Variants in SERINC5 observed in about 807,000 individuals in gnomAD.
SERINC5 encodes chromosome 5 open reading frame 12.
SERINC5 carries 41 observed loss-of-function variants against 63.1 expected under a neutral mutation model. The ratio of observed to expected loss-of-function variants is 0.65; its 90% confidence interval spans 0.51 to 0.84. SERINC5 has a LOEUF of 0.84. Among genes scored for constraint, SERINC5 ranks in the 40% least tolerant of loss-of-function variants. The pLI, the probability that SERINC5 is intolerant of heterozygous loss-of-function variation, is 0.00. For missense variants in SERINC5, 523 were observed against 573.0 expected, an observed-to-expected ratio of 0.91 and a Z score of 0.89; for synonymous variants, 222 against 215.2, an observed-to-expected ratio of 1.03 and a Z score of -0.28.
At chr5:80,231,169 A>G (rs1751424978) in intron 1 of SERINC5, among the ~76,000 whole-genome samples, 1 of 152,250 alleles carries the variant, frequency 6.6e-6, no homozygotes, top group African/African-American at 2.4e-5. Flanking sequence ...GAAAAAGGGA[A>G]TAGTACTTTT....
At chr5:80,113,514 T>C (rs1278847182) in intron 12 of SERINC5, 7 of 186,830 alleles carry the variant, frequency 3.7e-5, no homozygotes, top group African/African-American at 4.7e-5. Context: ...TTTGTTTTCA[T>C]GCTGCTGATA....
chr5:80,253,464 A>C (rs1312711682), intron 1 of SERINC5, among the ~76,000 whole-genome samples: 1 of 152,024 alleles, frequency 6.6e-6, no homozygotes, highest in African/African-American at 2.4e-5. Flanking sequence ...CGACATCCCA[A>C]TTATCTTCTA....
downstream of SERINC5, among the ~76,000 whole-genome samples, chr5:80,135,802 T>C (rs1195214983): frequency 6.8e-6 from 1 of 147,852 alleles, no homozygotes; most frequent in Non-Finnish European, 1.5e-5. Context: ...TACATAAAAA[T>C]AGCAACTAGA....
downstream of SERINC5, among the ~76,000 whole-genome samples, chr5:80,137,164 CAAA>C (rs796274001): frequency 1.3e-5 from 1 of 79,080 alleles, no homozygotes; most frequent in Admixed American, 1.3e-4. Flanking sequence ...AAAAAAAAAA[CAAA>C]AAAAACACCT....
At chr5:80,117,285 CCTCT>C (rs1223570303) in intron 11 of SERINC5, among the ~76,000 whole-genome samples, 6 of 152,088 alleles carry the variant, frequency 3.9e-5, no homozygotes, top group African/African-American at 1.5e-4. Context: ...TGGGACCTCA[CCTCT>C]CTGAGCCTCA....
At chr5:80,220,744 C>T (rs1750863008) in intron 1 of SERINC5, among the ~76,000 whole-genome samples, 1 of 151,834 alleles carries the variant, frequency 6.6e-6, no homozygotes, top group Non-Finnish European at 1.5e-5. Context: ...AGACAGGAAA[C>T]TGAGGGGTGA....
At chr5:80,255,756 C>CG (rs76823721) in intron 1 of SERINC5, 140 bp downstream of exon 1, 40,800 of 782,044 alleles carry the variant, frequency 0.052, 1,754 homozygotes, top group East Asian at 0.19. Context: ...CTGAGCGCCG[C>CG]GGGGCCAGCC....
intron 2 of SERINC5, among the ~76,000 whole-genome samples, chr5:80,178,724 G>A (rs1748219551): frequency 6.6e-6 from 1 of 151,412 alleles, no homozygotes; most frequent in Non-Finnish European, 1.5e-5. Context: ...TTGTTGATAT[G>A]TATACATATA....
chr5:80,151,745 C>T (rs1414255170), intron 8 of SERINC5, among the ~76,000 whole-genome samples: 2 of 152,170 alleles, frequency 1.3e-5, no homozygotes, highest in African/African-American at 2.4e-5. Context: ...TTACTGAAGG[C>T]CACTATGTGT....
At chr5:80,216,852 A>C (rs1228695340) in intron 1 of SERINC5, among the ~76,000 whole-genome samples, 1 of 152,130 alleles carries the variant, frequency 6.6e-6, no homozygotes, top group African/African-American at 2.4e-5. Flanking sequence ...CTCTACAAAA[A>C]ATACAAAAAT....
chr5:80,239,070 C>T (rs985285533), intron 1 of SERINC5, among the ~76,000 whole-genome samples: 1 of 152,168 alleles, frequency 6.6e-6, no homozygotes, highest in African/African-American at 2.4e-5. Context: ...TGCTCCAGGA[C>T]CTGTTTCCTG....
intron 2 of SERINC5, among the ~76,000 whole-genome samples, chr5:80,180,958 T>C: frequency 6.6e-6 from 1 of 152,030 alleles, no homozygotes. Flanking sequence ...AAGATACACA[T>C]CTTGAAAGGT....
chr5:80,118,001 G>A (rs2112226562), intron 11 of SERINC5, among the ~76,000 whole-genome samples: 2 of 152,144 alleles, frequency 1.3e-5, no homozygotes, highest in Middle Eastern at 3.4e-3. Flanking sequence ...TCAGGGGTTT[G>A]AGACCAGCCT....
chr5:80,172,018 T>C (rs933928052), intron 5 of SERINC5, among the ~76,000 whole-genome samples: 1 of 152,196 alleles, frequency 6.6e-6, no homozygotes, highest in African/African-American at 2.4e-5. Context: ...CCGATAAATA[T>C]GTACAATTAC....
chr5:80,176,438 AGTTTT>A (rs932652033), intron 4 of SERINC5, among the ~76,000 whole-genome samples: 12 of 152,016 alleles, frequency 7.9e-5, no homozygotes, highest in African/African-American at 2.9e-4. Context: ...TGTTTAGTTT[AGTTTT>A]GTTTTTGAGA....
chr5:80,128,284 G>A (rs1188743567), intron 11 of SERINC5: 1 of 152,196 alleles, frequency 6.6e-6, no homozygotes, highest in East Asian at 1.9e-4. Context: ...GGAGCCCAGT[G>A]CCCTCAGGGT....
In SERINC5 at chr5:80,139,421, T is replaced by C; in HGVS notation, c.*4242A>G. On this transcript the variant is annotated 3_prime_UTR_variant, in exon 12 of 12. Transcript: ENST00000507668. Reference sequence around the variant, plus strand: ...TTCCATCATTTTACTCATGTGAATATGATTAAACTCCTATAGAAGTGGATT... The same window carrying C: ...TTCCATCATTTTACTCATGTGAATACGATTAAACTCCTATAGAAGTGGATT... 2 of 985,094 alleles carry C rather than the reference T, an allele frequency of 2.0e-6. No homozygotes were observed. The highest frequency in any genetic ancestry group is 2.4e-6 in the Non-Finnish European group (2 of 829,632). The allele number at this position is 985,094 out of a possible 1,614,324, so 61.0% of individuals were successfully genotyped here.
chr5:80,238,028 C>T (rs1266147776), intron 1 of SERINC5, among the ~76,000 whole-genome samples: 3 of 144,766 alleles, frequency 2.1e-5, no homozygotes, highest in Admixed American at 7.2e-5. Context: ...CACTTGAACC[C>T]GGGAGGCAGA....
chr5:80,134,186 T>C (rs116441721), downstream of SERINC5, among the ~76,000 whole-genome samples: 965 of 152,214 alleles, frequency 6.3e-3, 7 homozygotes, highest in African/African-American at 0.022. Context: ...ACCATCTTTG[T>C]TTCAAAGTTA....
Sources: gnomAD v4.1 joint callset for allele counts (sites outside exome capture counted in the v4.1 genomes callset) on GRCh38, gnomAD v4.1.1 for gene constraint, MANE v1.5 for transcripts, NCBI Gene and HGNC (gene_info 2026-07-23, HGNC 2026-07-21) for gene names.